ADGRL2: variants seen among roughly 807,000 people sequenced by gnomAD.
The protein encoded by ADGRL2 is adhesion G protein-coupled receptor L2.
ADGRL2 carries 44 observed loss-of-function variants against 157.4 expected under a neutral mutation model. The ratio of observed to expected loss-of-function variants is 0.28; its 90% confidence interval spans 0.22 to 0.36. The LOEUF is 0.36. Among genes scored for constraint, ADGRL2 ranks in the 10% least tolerant of loss-of-function variants. The pLI, the probability that ADGRL2 is intolerant of heterozygous loss-of-function variation, is 1.00. For synonymous variants in ADGRL2, 585 were observed against 624.7 expected (o/e 0.94, Z 0.95); for missense variants, 1,510 against 1,768.9 (o/e 0.85, Z 2.63).
At chr1:81,859,229 T>C (rs2093310350) in intron 2 of ADGRL2, among the ~76,000 whole-genome samples, 1 of 152,148 alleles carries the variant, frequency 6.6e-6, no homozygotes, top group South Asian at 2.1e-4. Context: ...CATGATTTTG[T>C]ATACATGTAT....
intron 2 of ADGRL2, among the ~76,000 whole-genome samples, chr1:81,496,669 GA>G (rs11315453): frequency 0.31 from 43,617 of 142,616 alleles, 7,276 homozygotes; most frequent in African/African-American, 0.47. Flanking sequence ...AGCTGTTGAG[GA>G]AAAAAAAAAA....
intron 2 of ADGRL2, among the ~76,000 whole-genome samples, chr1:81,488,897 A>C (rs2147935629): frequency 6.6e-6 from 1 of 152,318 alleles, no homozygotes; most frequent in South Asian, 2.1e-4. Context: ...ATAAAGAGAA[A>C]GTCAATAAAA....
rs547350771 is a variant in ADGRL2, at chr1:81,875,084, C to G, written c.74-31933C>G. 2.6e-5 allele frequency among the ~76,000 whole-genome samples: 4 copies of G among 152,200 alleles called. No individual in the cohort carries two copies. The East Asian group carries it at 7.8e-4, about 30-fold the overall frequency. On this transcript the variant is annotated intron_variant, in intron 2 of 23. Coordinates refer to ENST00000686636, the MANE Select transcript of ADGRL2 (RefSeq NM_001366006.2). ...TGCCTGTGTTTTAAACTCTTAACTT[C>G]TATAGGCTGCACACTCTTTCTCCCC...
intron 3 of ADGRL2, among the ~76,000 whole-genome samples, chr1:81,908,169 A>G (rs2094626729): frequency 6.6e-6 from 1 of 152,208 alleles, no homozygotes; most frequent in South Asian, 2.1e-4. Flanking sequence ...AGTGTGTAGT[A>G]GGCTATACTA....
chr1:81,557,784 G>A (rs766877261), intron 2 of ADGRL2: 1 of 148,564 alleles, frequency 6.7e-6, no homozygotes, highest in Non-Finnish European at 1.5e-5. Flanking sequence ...GGGCCAGTAG[G>A]GGCCCCTGTA....
chr1:81,737,689 A>G (rs1007610995), intron 1 of ADGRL2, among the ~76,000 whole-genome samples: 2 of 152,186 alleles, frequency 1.3e-5, no homozygotes, highest in African/African-American at 4.8e-5. Flanking sequence ...TTTATTTTCT[A>G]TCACCTCAAG....
intron 3 of ADGRL2, among the ~76,000 whole-genome samples, chr1:81,636,743 T>C (rs2082121867): frequency 6.6e-6 from 1 of 152,242 alleles, no homozygotes; most frequent in Non-Finnish European, 1.5e-5. Flanking sequence ...TTAGAGCCTT[T>C]AGTAAATGCT....
At chr1:81,401,330 T>G (rs2101260825) in intron 1 of ADGRL2, among the ~76,000 whole-genome samples, 1 of 152,276 alleles carries the variant, frequency 6.6e-6, no homozygotes, top group South Asian at 2.1e-4. Flanking sequence ...GACCCCAGTG[T>G]TGAAGACTAC....
chr1:81,766,830 C>CAAAAAAAAAAAAAAAA (rs71592740), intron 2 of ADGRL2, among the ~76,000 whole-genome samples: 3 of 81,098 alleles, frequency 3.7e-5, no homozygotes, highest in Admixed American at 1.5e-4. Context: ...AACTCCGTCT[C>CAAAAAAAAAAAAAAAA]AAAAAAAAAA....
intron 1 of ADGRL2, among the ~76,000 whole-genome samples, chr1:81,307,300 A>G (rs1334331295): frequency 6.6e-6 from 1 of 152,214 alleles, no homozygotes; most frequent in Non-Finnish European, 1.5e-5. Flanking sequence ...ATTTGACAAT[A>G]CACATGGTGA....
chr1:81,520,276 A>C (rs1329561475), intron 2 of ADGRL2, among the ~76,000 whole-genome samples: 1 of 152,138 alleles, frequency 6.6e-6, no homozygotes, highest in Non-Finnish European at 1.5e-5. Context: ...TTTTGAGATA[A>C]ATCACTACTC....
chr1:81,441,566 C>A (rs1045425425), intron 1 of ADGRL2, among the ~76,000 whole-genome samples: 4 of 152,078 alleles, frequency 2.6e-5, no homozygotes, highest in Admixed American at 6.6e-5. Flanking sequence ...ACATTGTCAC[C>A]CAGGCTGGAG....
chr1:81,344,449 T>G (rs927442451), intron 1 of ADGRL2, among the ~76,000 whole-genome samples: 2 of 151,898 alleles, frequency 1.3e-5, no homozygotes, highest in Non-Finnish European at 2.9e-5. Context: ...GGACGAAGCA[T>G]GCGGATCACC....
At chr1:81,548,356 T>G (rs1189038471) in intron 2 of ADGRL2, among the ~76,000 whole-genome samples, 1 of 151,904 alleles carries the variant, frequency 6.6e-6, no homozygotes, top group Admixed American at 6.6e-5. Flanking sequence ...AGAATTCTAG[T>G]AGAAATTACA....
chr1:81,958,544 A>G (rs757986910), intron 11 of ADGRL2, among the ~76,000 whole-genome samples: 1 of 152,166 alleles, frequency 6.6e-6, no homozygotes. Flanking sequence ...GTTTAACTTC[A>G]TAGCATGATT....
chr1:81,728,149 T>C (rs2084600997), intron 1 of ADGRL2, among the ~76,000 whole-genome samples: 1 of 152,224 alleles, frequency 6.6e-6, no homozygotes, highest in African/African-American at 2.4e-5. Flanking sequence ...TATCTCATTA[T>C]GGCTTTTGTT....
intron 2 of ADGRL2, among the ~76,000 whole-genome samples, chr1:81,896,707 T>C (rs1438916230): frequency 6.6e-6 from 1 of 152,112 alleles, no homozygotes; most frequent in South Asian, 2.1e-4. Flanking sequence ...TAAAATAAAG[T>C]AAAAATAAAA....
At chr1:81,746,087 T>G (rs2085238079) in intron 1 of ADGRL2, among the ~76,000 whole-genome samples, 1 of 152,182 alleles carries the variant, frequency 6.6e-6, no homozygotes, top group African/African-American at 2.4e-5. Flanking sequence ...TATTTGTTTG[T>G]ACATTCTATT....
At chr1:81,404,096 G>A (rs935193895) in intron 1 of ADGRL2, among the ~76,000 whole-genome samples, 5 of 152,038 alleles carry the variant, frequency 3.3e-5, no homozygotes, top group Admixed American at 6.6e-5. Flanking sequence ...TCACCCGGGC[G>A]TCTTTGATTT....
Sources: gnomAD v4.1 joint callset for allele counts (sites outside exome capture counted in the v4.1 genomes callset) on GRCh38, gnomAD v4.1.1 for gene constraint, MANE v1.5 for transcripts, NCBI Gene and HGNC (gene_info 2026-07-23, HGNC 2026-07-21) for gene names.